The following CACNA1C variants were observed in gnomAD, a reference collection of about 807,000 sequenced individuals.
CACNA1C encodes calcium voltage-gated channel subunit alpha1 C.
CACNA1C carries 30 observed loss-of-function variants against 229.0 expected under a neutral mutation model. The ratio of observed to expected loss-of-function variants is 0.13; its 90% confidence interval spans 0.10 to 0.18. CACNA1C has a LOEUF of 0.18. Among genes scored for constraint, CACNA1C ranks in the 10% least tolerant of loss-of-function variants. The probability of loss-of-function intolerance (pLI) is 1.00; values close to 1 mark genes in which losing one functional copy is unlikely to be tolerated. For missense variants in CACNA1C, 1,658 were observed against 2,845.0 expected (o/e 0.58, Z 9.49); for synonymous variants, 1,114 against 1,132.5 (o/e 0.98, Z 0.33).
At chr12:2,115,729 A>G (rs1217223987) in intron 2 of CACNA1C, among the ~76,000 whole-genome samples, 184 bp downstream of exon 2, 1 of 152,264 alleles carries the variant, frequency 6.6e-6, no homozygotes, top group African/African-American at 2.4e-5. Context: ...CCTAGACTGG[A>G]TGAATCAGAA....
chr12:2,567,826 G>A (rs758265089), intron 13 of CACNA1C, 32 bp downstream of exon 13: 1 of 1,387,500 alleles, frequency 7.2e-7, no homozygotes, highest in Non-Finnish European at 1.0e-6. Flanking sequence ...TTTGAAGAGG[G>A]GACTCAGGAA....
chr12:2,509,673 G>A (rs1243888062), intron 8 of CACNA1C, among the ~76,000 whole-genome samples: 2 of 152,136 alleles, frequency 1.3e-5, no homozygotes, highest in Non-Finnish European at 2.9e-5. Flanking sequence ...CGGCACTTCA[G>A]CATTATGCTT....
intron 9 of CACNA1C, among the ~76,000 whole-genome samples, chr12:2,526,161 C>T (rs1568226439): frequency 6.6e-6 from 1 of 152,196 alleles, no homozygotes; most frequent in Admixed American, 6.5e-5. Context: ...ATGTGGTTAG[C>T]TCCATCGCCA....
chr12:2,256,090 C>CGATCCTGACCTTGCTAGTTTACAAT (rs142296568), intron 3 of CACNA1C, among the ~76,000 whole-genome samples: 1 of 34,888 alleles, frequency 2.9e-5, no homozygotes, highest in African/African-American at 9.0e-5. Context: ...TACAATCACA[C>CGATCCTGACCTTGCTAGTTTACAAT]CTCCTGTTTC....
chr12:2,556,293 T>G lies in CACNA1C; in HGVS notation c.1482-658T>G, dbSNP rs187867332. ...GAAGGTTCTGCCTTTCCATGGAACC[T>G]CCTCCCTGTTCCATGACCCTTCCAG... On this transcript the variant is annotated intron_variant, in intron 10 of 46. Coordinates refer to ENST00000399655, the MANE Select transcript of CACNA1C (RefSeq NM_000719.7). Among the ~76,000 whole-genome samples the G allele has an allele frequency of 1.2e-4, 18 of 152,246 alleles. No individual in the cohort carries two copies. The East Asian group carries it at 3.3e-3, about 28-fold the overall frequency.
At chr12:2,102,335 C>G (rs564248668) in intron 1 of CACNA1C, among the ~76,000 whole-genome samples, 38 of 152,232 alleles carry the variant, frequency 2.5e-4, no homozygotes, top group Non-Finnish European at 5.3e-4. Flanking sequence ...GTTTCCTGCT[C>G]TCAAGGAGCT....
At chr12:1,990,034 C>G (rs942642419) in intron 1 of CACNA1C, among the ~76,000 whole-genome samples, 1 of 152,158 alleles carries the variant, frequency 6.6e-6, no homozygotes, top group Non-Finnish European at 1.5e-5. Context: ...AAACTTGGCT[C>G]AAATGCATTA....
intron 44 of CACNA1C, 102 bp from the exon 45 acceptor site, chr12:2,686,064 G>A (rs185683069): frequency 8.7e-5 from 88 of 1,014,448 alleles, no homozygotes; most frequent in Middle Eastern, 2.0e-4. Flanking sequence ...GGAGCGTCTC[G>A]GGCCATAGTT....
chr12:2,516,662 G>A (rs181075478), intron 9 of CACNA1C, among the ~76,000 whole-genome samples: 1 of 152,276 alleles, frequency 6.6e-6, no homozygotes, highest in African/African-American at 2.4e-5. Flanking sequence ...TGTCCTAAAC[G>A]ATGGCAAGAG....
chr12:1,999,601 C>T (rs1451808431), intron 1 of CACNA1C, among the ~76,000 whole-genome samples: 1 of 151,906 alleles, frequency 6.6e-6, no homozygotes, highest in South Asian at 2.1e-4. Context: ...TGGCACATGC[C>T]GGTAGTCTCA....
intron 1 of CACNA1C, among the ~76,000 whole-genome samples, chr12:2,063,924 A>C (rs1304244311): frequency 6.6e-6 from 1 of 152,202 alleles, no homozygotes; most frequent in Non-Finnish European, 1.5e-5. Flanking sequence ...CTGGCCCTGC[A>C]ATATGACTTT....
chr12:2,308,208 T>C (rs1187440655), intron 3 of CACNA1C, among the ~76,000 whole-genome samples: 1 of 152,266 alleles, frequency 6.6e-6, no homozygotes, highest in Non-Finnish European at 1.5e-5. Flanking sequence ...TGATTTTTAA[T>C]GTGGATAACA....
At position 2,585,707 on chromosome 12, in the gene CACNA1C, T is replaced by C. The variant is rs180851328; in HGVS notation, c.2461-128T>C. 1,006 of 898,814 alleles carry C rather than the reference T, an allele frequency of 1.1e-3. 13 individuals carry two copies. The Admixed American group carries it at 0.016, about 14-fold the overall frequency. 55.7% of individuals were successfully genotyped at this position (898,814 alleles called of 1,614,324 possible). ...ATCTGCTGATGTCTTGAAGGAGATA[T>C]GCAAAGTGACAAGTACCTATTTTTG... is the stretch of plus-strand genomic sequence containing the variant. On this transcript the variant is annotated intron_variant, in intron 17 of 46. Transcript: ENST00000399655. This position sits in a 1 kb window ranked among gnomAD's most constrained non-coding sequence, Gnocchi z 4.1.
intron 1 of CACNA1C, among the ~76,000 whole-genome samples, chr12:2,106,203 G>A (rs1327018519): frequency 9.5e-5 from 5 of 52,662 alleles, no homozygotes; most frequent in African/African-American, 3.0e-4. Context: ...GCGTCCTGAA[G>A]CCACTGGGTG....
chr12:2,584,660 CA>C, intron 16 of CACNA1C, 43 bp downstream of exon 16: 1 of 1,312,286 alleles, frequency 7.6e-7, no homozygotes, highest in East Asian at 2.3e-5. Context: ...CCAGGGCTCC[CA>C]TTGTGGAATG....
intron 29 of CACNA1C, among the ~76,000 whole-genome samples, chr12:2,631,419 C>A (rs2090345514): frequency 6.6e-6 from 1 of 152,206 alleles, no homozygotes. Flanking sequence ...AGCTCTACCC[C>A]ACAAAGACAG....
chr12:2,682,867 AACAC>A (rs1173966447), intron 43 of CACNA1C, among the ~76,000 whole-genome samples, 189 bp downstream of exon 43: 95 of 2,876 alleles, frequency 0.033, 1 homozygote, highest in East Asian at 0.071. Context: ...AACACACACA[AACAC>A]ACACACACCA....
At chr12:2,584,109 C>T (rs181215600) in intron 15 of CACNA1C, among the ~76,000 whole-genome samples, 5 of 152,332 alleles carry the variant, frequency 3.3e-5, no homozygotes, top group Non-Finnish European at 7.4e-5. Flanking sequence ...CCCCTCAGCG[C>T]CCAGTTATAA....
intron 1 of CACNA1C, among the ~76,000 whole-genome samples, chr12:2,075,216 G>A (rs947452618): frequency 2.7e-4 from 41 of 152,180 alleles, no homozygotes; most frequent in African/African-American, 9.9e-4. Context: ...AGGCCATTCT[G>A]AAGACAAATA....
Sources: allele counts gnomAD v4.1 joint callset (sites outside exome capture counted in the v4.1 genomes callset), GRCh38; gene constraint gnomAD v4.1.1; non-coding constraint Gnocchi (gnomAD v3.1); transcripts MANE v1.5; gene names NCBI Gene and HGNC (gene_info 2026-07-23, HGNC 2026-07-21).